The following GPR75 variants were observed in gnomAD, a reference collection of about 807,000 sequenced individuals.
GPR75 encodes G protein-coupled receptor 75, also known as probable G protein-coupled receptor 75.
GPR75 carries 27 observed loss-of-function variants against 26.0 expected under a neutral mutation model. The observed-to-expected ratio is 1.04, with a 90% CI of 0.77 to 1.43. GPR75 has a LOEUF of 1.43. GPR75 is among the 40% of genes most tolerant of loss of function. GPR75 has a pLI of 0.00. For synonymous variants in GPR75, 285 were observed against 256.3 expected (o/e 1.11, Z -1.07); for missense variants, 699 against 662.3 (o/e 1.06, Z -0.61).
chr2:53,856,946 A>T (rs1487537921), intron 1 of GPR75, among the ~76,000 whole-genome samples: 27 of 78,944 alleles, frequency 3.4e-4, no homozygotes, highest in South Asian at 5.8e-4. Context: ...GAGAAAGACA[A>T]TTTTTTTTTT....
intron 1 of GPR75, among the ~76,000 whole-genome samples, chr2:53,857,728 A>G (rs1239270151): frequency 6.6e-6 from 1 of 152,028 alleles, no homozygotes; most frequent in Non-Finnish European, 1.5e-5. Context: ...TTTTTCAACA[A>G]ATTTTAAATT....
intron 1 of GPR75, among the ~76,000 whole-genome samples, chr2:53,856,053 G>T (rs1242878774): frequency 6.6e-6 from 1 of 152,152 alleles, no homozygotes; most frequent in East Asian, 1.9e-4. Flanking sequence ...GAAGCAGGAG[G>T]CATGCACCCA....
intron 1 of GPR75, among the ~76,000 whole-genome samples, chr2:53,856,698 C>T (rs1678235149): frequency 6.6e-6 from 1 of 152,162 alleles, no homozygotes; most frequent in African/African-American, 2.4e-5. Context: ...AAAAAGATAA[C>T]TTAATCTATA....
At chr2:53,859,708 A>T in intron 1 of GPR75, 120 bp downstream of exon 1, 1 of 684,812 alleles carries the variant, frequency 1.5e-6, no homozygotes, top group Non-Finnish European at 2.3e-6. Context: ...CACCAGGAAG[A>T]CAGGTACGCG....
chr2:53,852,957 A>G lies in GPR75; in HGVS notation c.*177T>C, dbSNP rs1678126012. 1 of 558,746 alleles carries G rather than the reference A, an allele frequency of 1.8e-6. No individual in the cohort carries two copies. Among genetic ancestry groups the G allele is most frequent in the Non-Finnish European group, 3.1e-6 (1 of 318,812 alleles). 34.6% of individuals were successfully genotyped at this position (558,746 alleles called of 1,614,324 possible). ...CTTTCACATCAAATCTTAAGATGTC[A>G]ACAAACTACAAAGCAAATCAACAGA... On this transcript the variant is annotated 3_prime_UTR_variant, in exon 2 of 2. Coordinates refer to ENST00000394705, the MANE Select transcript of GPR75 (RefSeq NM_006794.4).
Position 53,854,019 on chromosome 2 carries a change from A to G in GPR75, c.738T>C (p.Ala246=). Residue 246 remains alanine (A), a synonymous_variant, in exon 2 of 2, where the codon GCT becomes GCC. Transcript: ENST00000394705. ...RKCPPVITVD[A]SRPQPFMGVP... Reference sequence around the variant, plus strand: ...CCCCCATGAAAGGCTGTGGTCTGGAAGCATCGACTGTGATTACAGGGGGGC... The same window carrying G: ...CCCCCATGAAAGGCTGTGGTCTGGAGGCATCGACTGTGATTACAGGGGGGC... 1.9e-6 allele frequency: 3 copies of G among 1,614,202 alleles called. No homozygotes were observed. Among genetic ancestry groups the G allele is most frequent in the Non-Finnish European group, 2.5e-6 (3 of 1,180,024 alleles).
At position 53,853,971 on chromosome 2, in the gene GPR75, A is replaced by C; in HGVS notation, c.786T>G (p.Asp262Glu). 2 of 1,614,016 alleles carry C rather than the reference A, an allele frequency of 1.2e-6. No individual in the cohort carries two copies. Among genetic ancestry groups the C allele is most frequent in the Non-Finnish European group, 1.7e-6 (2 of 1,180,008 alleles). Residue 262 changes from aspartate (D) to glutamate (E), a missense_variant, in exon 2 of 2, where the codon GAT becomes GAG. By Grantham distance (45) the Asp-to-Glu change is conservative. Transcript: ENST00000394705. Reference sequence around the variant, plus strand: ...GAGCCGGCATGGCACACTGGATGGGATCTCCACCTCCCTGCACAGGGACCC... The same window carrying C: ...GAGCCGGCATGGCACACTGGATGGGCTCTCCACCTCCCTGCACAGGGACCC... ...FMGVPVQGGGDPIQCAMPALY... is the reference protein window; with the variant it reads ...FMGVPVQGGGEPIQCAMPALY...
In GPR75 at chr2:53,859,815, C is replaced by T; in HGVS notation, c.-110+13G>A. Reference sequence around the variant, plus strand: ...GTGGGGTTGTCCTCCTCCAGGGGCCCGCGGCCTCTCACCTGCCGGGTGGCC... The same window carrying T: ...GTGGGGTTGTCCTCCTCCAGGGGCCTGCGGCCTCTCACCTGCCGGGTGGCC... On this transcript the variant is annotated intron_variant, in intron 1 of 1. Transcript: ENST00000394705. 6.6e-7 allele frequency: 1 copy of T among 1,524,842 alleles called. No individual in the cohort carries two copies. The highest frequency in any genetic ancestry group is 8.8e-7 in the Non-Finnish European group (1 of 1,138,602). The allele number at this position is 1,524,842 out of a possible 1,614,324, so 94.5% of individuals were successfully genotyped here.
chr2:53,859,231 T>G (rs1678309972), intron 1 of GPR75, among the ~76,000 whole-genome samples: 1 of 151,872 alleles, frequency 6.6e-6, no homozygotes, highest in Non-Finnish European at 1.5e-5. Context: ...GGTTCTGTAT[T>G]ATTGTGATTC....
chr2:53,857,492 T>C (rs1012535863), intron 1 of GPR75, among the ~76,000 whole-genome samples: 2 of 151,844 alleles, frequency 1.3e-5, no homozygotes, highest in African/African-American at 2.4e-5. Flanking sequence ...ATTAGAAGAA[T>C]GAGGAGTCTG....
chr2:53,856,123 G>C (rs780787433), intron 1 of GPR75, among the ~76,000 whole-genome samples: 65 of 152,314 alleles, frequency 4.3e-4, no homozygotes, highest in Non-Finnish European at 6.3e-4. Flanking sequence ...CCAGCATTAC[G>C]CCAGGTGCTA....
At chr2:53,857,351 C>A (rs943181374) in intron 1 of GPR75, among the ~76,000 whole-genome samples, 2 of 152,134 alleles carry the variant, frequency 1.3e-5, no homozygotes, top group South Asian at 4.2e-4. Flanking sequence ...GAAGAGAAAA[C>A]AATTTGAGGA....
rs769155946 is a variant in GPR75 at position 53,859,778 on chromosome 2, G to A, written c.-110+50C>T. 9 of 1,415,638 alleles carry A rather than the reference G, an allele frequency of 6.4e-6. No individual in the cohort carries two copies. In the African/African-American group the frequency reaches 1.0e-4, roughly 16 times the overall value. 87.7% of individuals were successfully genotyped at this position (1,415,638 alleles called of 1,614,324 possible). A position where few individuals can be genotyped will look rare whatever the true frequency, so the allele number is the denominator to read the frequency against. On this transcript the variant is annotated intron_variant, in intron 1 of 1. Coordinates refer to ENST00000394705, the MANE Select transcript of GPR75 (RefSeq NM_006794.4). ...GCTATCCCGCCAGCCTCCGGGAGCCGTCTCCGGCATCGTGGGGTTGTCCTC... is the reference window on the plus strand; with the variant it reads ...GCTATCCCGCCAGCCTCCGGGAGCCATCTCCGGCATCGTGGGGTTGTCCTC...
chr2:53,855,088 T>C (rs1361558418), intron 1 of GPR75, among the ~76,000 whole-genome samples: 1 of 151,944 alleles, frequency 6.6e-6, no homozygotes, highest in Non-Finnish European at 1.5e-5. Flanking sequence ...CCCAAGTAGC[T>C]GGGACTACAG....
rs757863094 is a variant in GPR75 at position 53,859,881 on chromosome 2, C to G, written c.-163G>C. 6.5e-7 allele frequency: 1 copy of G among 1,531,662 alleles called. No homozygotes were observed. The highest frequency in any genetic ancestry group is 1.2e-5 in the South Asian group (1 of 83,300). The allele number at this position is 1,531,662 out of a possible 1,614,324, so 94.9% of individuals were successfully genotyped here. On this transcript the variant is annotated 5_prime_UTR_variant, in exon 1 of 2. Coordinates refer to ENST00000394705, the MANE Select transcript of GPR75 (RefSeq NM_006794.4). ...CTCCATCTCGCAGTCCGGACCCCAG[C>G]TCCGCCTGCCGCTCTGGATGATGCA... is the stretch of plus-strand genomic sequence containing the variant.
Position 53,859,944 on chromosome 2 carries a change from G to C in GPR75, c.-226C>G, listed in dbSNP as rs1050394297. The C allele has an allele frequency of 2.0e-6, 3 of 1,489,434 alleles. No individual in the cohort carries two copies. In the African/African-American group the frequency reaches 4.4e-5, roughly 22 times the overall value. 92.3% of individuals were successfully genotyped at this position (1,489,434 alleles called of 1,614,324 possible). A position where few individuals can be genotyped will look rare whatever the true frequency, so the allele number is the denominator to read the frequency against. ...TCATCGCCATCGCCACCGCCTCCGC[G>C]CATCCCGGGAGCCGCGGCAAGACGC... On this transcript the variant is annotated 5_prime_UTR_variant, in exon 1 of 2. Transcript: ENST00000394705.
rs1193255743 is a variant in GPR75 at position 53,853,446 on chromosome 2, T to C, written c.1311A>G (p.Pro437=). The C allele has an allele frequency of 1.9e-6, 3 of 1,614,142 alleles. No individual in the cohort carries two copies. The highest frequency in any genetic ancestry group is 1.6e-4 in the Middle Eastern group (1 of 6,062). ...AAGCCTGGTCCACAAATTTCTTCTG[T>C]GGCTTTGGAGATAACATGTAGGCAG... The part of the protein sequence containing the change: ...TNSAYMLSPK[P]QKKFVDQACG... The change falls in exon 2 of 2, where the codon CCA becomes CCG. Residue 437 remains proline (P), a synonymous_variant. Coordinates refer to ENST00000394705, the MANE Select transcript of GPR75 (RefSeq NM_006794.4).
At position 53,853,946 on chromosome 2, in the gene GPR75, G is replaced by A; in HGVS notation, c.811C>T (p.Leu271=). ...TTGTTGTAATTCTGGTTCCTATACA[G>A]AGCCGGCATGGCACACTGGATGGGA... ...GDPIQCAMPA[L]YRNQNYNKLQ... Residue 271 remains leucine, a synonymous_variant, in exon 2 of 2, where the codon CTG becomes TTG. Transcript: ENST00000394705. The A allele has an allele frequency of 6.2e-7, 1 of 1,614,116 alleles. No homozygotes were observed. The highest frequency in any genetic ancestry group is 8.5e-7 in the Non-Finnish European group (1 of 1,180,018).
chr2:53,853,024 T>C lies in GPR75; in HGVS notation c.*110A>G, dbSNP rs1457002658. ...GAAAGAAAACCATAACTGCCAACTT[T>C]TCAGTTGAATCTTGTAGGTTTTGAT... On this transcript the variant is annotated 3_prime_UTR_variant, in exon 2 of 2. Coordinates refer to ENST00000394705, the MANE Select transcript of GPR75 (RefSeq NM_006794.4). The C allele has an allele frequency of 1.5e-5, 11 of 756,282 alleles. No individual in the cohort carries two copies. The East Asian group carries it at 2.3e-4, about 16-fold the overall frequency. 46.8% of individuals were successfully genotyped at this position (756,282 alleles called of 1,614,324 possible).
Sources: gnomAD v4.1 joint callset for allele counts (sites outside exome capture counted in the v4.1 genomes callset) on GRCh38, gnomAD v4.1.1 for gene constraint, MANE v1.5 for transcripts, NCBI Gene and HGNC (gene_info 2026-07-23, HGNC 2026-07-21) for gene names.